RAB18: variants seen among roughly 807,000 people sequenced by gnomAD.
RAB18 encodes the protein ras-related protein Rab-18.
RAB18 carries 10 observed loss-of-function variants against 28.5 expected under a neutral mutation model. That is an observed-to-expected ratio of 0.35 (90% CI 0.22 to 0.60). RAB18 has a LOEUF of 0.60. RAB18 is among the 20% of genes least tolerant of loss of function. The probability of loss-of-function intolerance (pLI) is 0.78; values close to 1 mark genes in which losing one functional copy is unlikely to be tolerated. For synonymous variants in RAB18, 93 were observed against 86.9 expected, an observed-to-expected ratio of 1.07 and a Z score of -0.39; for missense variants, 188 against 244.2, an observed-to-expected ratio of 0.77 and a Z score of 1.53.
At chr10:27,536,345 A>G (rs1280696092) in intron 6 of RAB18, among the ~76,000 whole-genome samples, 1 of 152,134 alleles carries the variant, frequency 6.6e-6, no homozygotes, top group African/African-American at 2.4e-5. Context: ...GTGGATAGAA[A>G]AGGGCTGAAG....
intron 2 of RAB18, among the ~76,000 whole-genome samples, chr10:27,525,209 ATAGGAAAGATGCTTGTC>A (rs1834647449): frequency 6.6e-6 from 1 of 152,180 alleles, no homozygotes; most frequent in South Asian, 2.1e-4. Context: ...AAATTAGCTC[ATAGGAAAGATGCTTGTC>A]TGCTCTTGAA....
At chr10:27,533,206 G>A (rs1834823034) in intron 4 of RAB18, among the ~76,000 whole-genome samples, 2 of 151,834 alleles carry the variant, frequency 1.3e-5, no homozygotes, top group Non-Finnish European at 1.5e-5. Context: ...CTTTAATAAG[G>A]TTTTTGTTAT....
chr10:27,538,955 C>T lies in RAB18; in HGVS notation c.*904C>T, dbSNP rs1228677857. ...CTGTATCTTACGGCTTCCATAATGG[C>T]TAGTTGATATTCAAAAACCTATTTC... On this transcript the variant is annotated 3_prime_UTR_variant, in exon 7 of 7. Transcript: ENST00000356940. The T allele has an allele frequency of 2.0e-5, 9 of 448,088 alleles. No individual in the cohort carries two copies. Among genetic ancestry groups the T allele is most frequent in the Non-Finnish European group, 4.0e-5 (9 of 222,944 alleles). 27.8% of individuals were successfully genotyped at this position (448,088 alleles called of 1,614,324 possible). A position where few individuals can be genotyped will look rare whatever the true frequency, so the allele number is the denominator to read the frequency against.
chr10:27,540,388 C>G lies in RAB18; in HGVS notation c.*2337C>G, dbSNP rs1466592616. 2 of 453,980 alleles carry G rather than the reference C, an allele frequency of 4.4e-6. No homozygotes were observed. The highest frequency in any genetic ancestry group is 4.0e-5 in the African/African-American group (2 of 49,996). 28.1% of individuals were successfully genotyped at this position (453,980 alleles called of 1,614,324 possible). ...TGGCATTTTTACTTCTGAGCCCATA[C>G]TCTTCACCATCGCTCATTTTACAAT... On this transcript the variant is annotated 3_prime_UTR_variant, in exon 7 of 7. Coordinates refer to ENST00000356940, the MANE Select transcript of RAB18 (RefSeq NM_021252.5).
chr10:27,505,979 G>C (rs1837822746), intron 1 of RAB18, among the ~76,000 whole-genome samples: 1 of 152,170 alleles, frequency 6.6e-6, no homozygotes, highest in Admixed American at 6.5e-5. Context: ...ATTTGTCTGT[G>C]TGTGTGTAAA....
At chr10:27,516,358 C>G (rs1834437384) in intron 2 of RAB18, among the ~76,000 whole-genome samples, 1 of 151,990 alleles carries the variant, frequency 6.6e-6, no homozygotes, top group Admixed American at 6.6e-5. Context: ...GAGTTCGAGA[C>G]CAGCCTGGTC....
chr10:27,520,084 A>C (rs1834515833), intron 2 of RAB18, among the ~76,000 whole-genome samples: 1 of 152,194 alleles, frequency 6.6e-6, no homozygotes, highest in Non-Finnish European at 1.5e-5. Flanking sequence ...GCGATGTATT[A>C]CTTTGATTCA....
chr10:27,516,218 T>C (rs1028737063), intron 2 of RAB18, among the ~76,000 whole-genome samples: 1 of 152,170 alleles, frequency 6.6e-6, no homozygotes, highest in African/African-American at 2.4e-5. Context: ...TTGTCATTGC[T>C]CTGGATACTT....
Position 27,541,125 on chromosome 10 carries a change from G to A in RAB18, c.*3074G>A, listed in dbSNP as rs963495113. 1 of 453,804 alleles carries A rather than the reference G, an allele frequency of 2.2e-6. No homozygotes were observed. Among genetic ancestry groups the A allele is most frequent in the Non-Finnish European group, 4.4e-6 (1 of 226,746 alleles). The allele number at this position is 453,804 out of a possible 1,614,324, so 28.1% of individuals were successfully genotyped here. A position where few individuals can be genotyped will look rare whatever the true frequency, so the allele number is the denominator to read the frequency against. On this transcript the variant is annotated 3_prime_UTR_variant, in exon 7 of 7. Transcript: ENST00000356940. Reference sequence around the variant, plus strand: ...ACATTTCACTAGTAATACTTAGGAAGTTATTTTGTCTTTCCTGTATTTCCC... The same window carrying A: ...ACATTTCACTAGTAATACTTAGGAAATTATTTTGTCTTTCCTGTATTTCCC...
chr10:27,512,863 G>C (rs1229212864), intron 2 of RAB18, among the ~76,000 whole-genome samples: 3 of 151,856 alleles, frequency 2.0e-5, no homozygotes, highest in Non-Finnish European at 2.9e-5. Context: ...TACTAAAAAG[G>C]CTTTGTCTTC....
chr10:27,511,968 T>A (rs1159231052), intron 2 of RAB18, among the ~76,000 whole-genome samples: 1 of 152,128 alleles, frequency 6.6e-6, no homozygotes, highest in Admixed American at 6.5e-5. Flanking sequence ...TTTTTTCTTT[T>A]TTTGTGAGGC....
At chr10:27,528,399 A>G (rs1241735482) in intron 3 of RAB18, 2 of 450,302 alleles carry the variant, frequency 4.4e-6, no homozygotes, top group Non-Finnish European at 8.8e-6. Flanking sequence ...AGAGAAGAAC[A>G]TCTATAAAAG....
intron 6 of RAB18, 53 bp from the exon 7 acceptor site, chr10:27,537,823 G>A: frequency 2.0e-6 from 3 of 1,491,294 alleles, no homozygotes; most frequent in African/African-American, 1.4e-5. Flanking sequence ...AAAAACATGA[G>A]AATATGGCCA....
intron 3 of RAB18, among the ~76,000 whole-genome samples, chr10:27,527,602 AATAT>A (rs1345427657): frequency 1.3e-5 from 2 of 148,460 alleles, no homozygotes; most frequent in African/African-American, 5.0e-5. Context: ...GTATATTCTA[AATAT>A]ATACTGTTTT....
intron 2 of RAB18, among the ~76,000 whole-genome samples, chr10:27,516,040 G>A (rs1241081079): frequency 2.6e-5 from 4 of 151,952 alleles, no homozygotes; most frequent in Admixed American, 2.6e-4. Flanking sequence ...TTGTTTTGAG[G>A]ATTGCTTTAA....
At chr10:27,536,742 G>A (rs1249376864) in intron 6 of RAB18, among the ~76,000 whole-genome samples, 2 of 152,222 alleles carry the variant, frequency 1.3e-5, no homozygotes, top group Non-Finnish European at 2.9e-5. Flanking sequence ...AGCAGTATCA[G>A]ATACCAAAGA....
In RAB18 at chr10:27,504,400, A is replaced by C; in HGVS notation, c.31A>C (p.Ile11Leu). 1 of 1,574,996 alleles carries C rather than the reference A, an allele frequency of 6.3e-7. No homozygotes were observed. The highest frequency in any genetic ancestry group is 8.6e-7 in the Non-Finnish European group (1 of 1,160,376). MDEDVLTTLK[I>L]LIIGESGVGK... ...CGAGGACGTGCTAACCACCCTGAAGATCCTCATCATCGGCGAGAGTGGGGT... is the reference window on the plus strand; with the variant it reads ...CGAGGACGTGCTAACCACCCTGAAGCTCCTCATCATCGGCGAGAGTGGGGT... The change falls in exon 1 of 7, where the codon ATC becomes CTC. Residue 11 changes from isoleucine to leucine, a missense_variant. Coordinates refer to ENST00000356940, the MANE Select transcript of RAB18 (RefSeq NM_021252.5).
Position 27,542,029 on chromosome 10 carries a change from T to C in RAB18, c.*3978T>C, listed in dbSNP as rs974930084. Reference sequence around the variant, plus strand: ...TTTTTCAGGAGCAATTGAAGACATCTTGTTGGAGATAGTGTGCTGGGAGGA... The same window carrying C: ...TTTTTCAGGAGCAATTGAAGACATCCTGTTGGAGATAGTGTGCTGGGAGGA... On this transcript the variant is annotated 3_prime_UTR_variant, in exon 7 of 7. Transcript: ENST00000356940. 1 of 454,110 alleles carries C rather than the reference T, an allele frequency of 2.2e-6. No individual in the cohort carries two copies. Among genetic ancestry groups the C allele is most frequent in the Admixed American group, 2.3e-5 (1 of 42,574 alleles). 28.1% of individuals were successfully genotyped at this position (454,110 alleles called of 1,614,324 possible).
At chr10:27,517,696 T>C (rs1834465621) in intron 2 of RAB18, among the ~76,000 whole-genome samples, 1 of 152,248 alleles carries the variant, frequency 6.6e-6, no homozygotes, top group Admixed American at 6.5e-5. Flanking sequence ...TTTAAAAAAT[T>C]ATACATTAAA....
Sources: gnomAD v4.1 joint callset for allele counts (sites outside exome capture counted in the v4.1 genomes callset) on GRCh38, gnomAD v4.1.1 for gene constraint, MANE v1.5 for transcripts, NCBI Gene and HGNC (gene_info 2026-07-23, HGNC 2026-07-21) for gene names.